SEC22B: variants seen among roughly 807,000 people sequenced by gnomAD.
The protein encoded by SEC22B is vesicle-trafficking protein SEC22b.
A neutral mutation model predicts 31.4 loss-of-function variants in SEC22B; 10 were observed. The observed-to-expected ratio is 0.32, with a 90% confidence interval of 0.20 to 0.54. The LOEUF is 0.54. Among genes scored for constraint, SEC22B ranks in the 20% least tolerant of loss-of-function variants. SEC22B has a pLI of 0.94. For missense variants in SEC22B, 130 were observed against 263.4 expected, an observed-to-expected ratio of 0.49 and a Z score of 3.50; for synonymous variants, 60 against 95.9, an observed-to-expected ratio of 0.63 and a Z score of 2.19.
chr1:120,160,617 C>T (rs1361791049), intron 3 of SEC22B, 87 bp from the exon 4 acceptor site: 280 of 1,185,726 alleles, frequency 2.4e-4, no homozygotes, highest in Non-Finnish European at 3.0e-4. Flanking sequence ...TGGCCAGGCG[C>T]GGTGGCTCAC....
chr1:120,156,206 T>G lies in SEC22B; in HGVS notation c.*832A>C, dbSNP rs1657624693. On this transcript the variant is annotated 3_prime_UTR_variant, in exon 5 of 5. Transcript: ENST00000578049. ...GAAAGCTGTAATTATAACCTGGGCC[T>G]GCCTTTGTTCTCATGAAGCCAGGGG... 1 of 152,032 alleles carries G rather than the reference T, an allele frequency of 6.6e-6. No individual in the cohort carries two copies. Among genetic ancestry groups the G allele is most frequent in the African/African-American group, 2.4e-5 (1 of 41,424 alleles). The allele number at this position is 152,032 out of a possible 1,614,324, so 9.4% of individuals were successfully genotyped here.
chr1:120,173,112 T>G (rs1318057220), intron 1 of SEC22B, among the ~76,000 whole-genome samples: 24,492 of 123,178 alleles, frequency 0.2, 4,248 homozygotes, highest in African/African-American at 0.5. Context: ...CCAACCACTT[T>G]CCTCTAAAAG....
Position 120,163,225 on chromosome 1 carries a change from A to T in SEC22B, c.331T>A (p.Ser111Thr). The T allele has an allele frequency of 6.5e-7, 1 of 1,543,784 alleles. No individual in the cohort carries two copies. Among genetic ancestry groups the T allele is most frequent in the Non-Finnish European group, 8.8e-7 (1 of 1,138,402 alleles). Residue 111 changes from serine to threonine, a missense_variant, in exon 3 of 5, where the codon TCC (serine) becomes ACC (threonine). By Grantham distance (58) the Ser-to-Thr change is moderately conservative. Around this residue, in one of 4 missense-constraint regions of SEC22B, gnomAD observed 41 missense variants for 124.9 expected, o/e 0.33. Coordinates refer to ENST00000578049, the MANE Select transcript of SEC22B (RefSeq NM_004892.6). ...AAAAACTTACCAAATTCAATAAAGG[A>T]ATAGGGTCGGGACACAGTGGGCACC... ...KKVPTVSRPY[S>T]FIEFDTFIQK...
In SEC22B at chr1:120,156,019, A is replaced by G. The variant is rs1168919776; in HGVS notation, c.*1019T>C. 1.3e-5 allele frequency: 2 copies of G among 152,110 alleles called. No individual in the cohort carries two copies. Among genetic ancestry groups the G allele is most frequent in the Admixed American group, 6.6e-5 (1 of 15,262 alleles). 9.4% of individuals were successfully genotyped at this position (152,110 alleles called of 1,614,324 possible). On this transcript the variant is annotated 3_prime_UTR_variant, in exon 5 of 5. Transcript: ENST00000578049. Reference sequence around the variant, plus strand: ...ACTTTAACTTTAATTAACTACATAGATGAATATTTTTTATTTTGAAATTTG... The same window carrying G: ...ACTTTAACTTTAATTAACTACATAGGTGAATATTTTTTATTTTGAAATTTG...
rs1657534647 is a variant in SEC22B, at chr1:120,151,437, C to CT, written c.*5600dup. The CT allele has an allele frequency of 6.6e-6, 1 of 152,200 alleles. No individual in the cohort carries two copies. Among genetic ancestry groups the CT allele is most frequent in the Non-Finnish European group, 1.5e-5 (1 of 68,084 alleles). 9.4% of individuals were successfully genotyped at this position (152,200 alleles called of 1,614,324 possible). A position where few individuals can be genotyped will look rare whatever the true frequency, so the allele number is the denominator to read the frequency against. Reference sequence around the variant, plus strand: ...GTGGCCCATGCCTGTAATCCCAGCACTTTGGGAGGCCGAGGAGGGTGGATC... The same window carrying CT: ...GTGGCCCATGCCTGTAATCCCAGCACTTTTGGGAGGCCGAGGAGGGTGGATC... On this transcript the variant is annotated 3_prime_UTR_variant, in exon 5 of 5. Coordinates refer to ENST00000578049, the MANE Select transcript of SEC22B (RefSeq NM_004892.6).
At chr1:120,176,244 G>T in intron 1 of SEC22B, 63 bp downstream of exon 1, 1 of 1,511,330 alleles carries the variant, frequency 6.6e-7, no homozygotes, top group Non-Finnish European at 9.0e-7. Flanking sequence ...GAAGGAATCC[G>T]ATGCTGAGGG....
At position 120,159,622 on chromosome 1, in the gene SEC22B, T is replaced by C. The variant is rs1479315658; in HGVS notation, c.493+762A>G. 2.1e-3 allele frequency among the ~76,000 whole-genome samples: 313 copies of C among 151,446 alleles called. 2 individuals carry two copies. The highest frequency in any genetic ancestry group is 7.3e-3 in the African/African-American group (302 of 41,362). ...ATTAGGTAAACACACATACATGTAA[T>C]ATGTGCTAAAACCATTATGTTATTA... On this transcript the variant is annotated intron_variant, in intron 4 of 4. Transcript: ENST00000578049.
intron 1 of SEC22B, among the ~76,000 whole-genome samples, chr1:120,170,987 C>A (rs1395695177): frequency 7.8e-6 from 1 of 127,874 alleles, no homozygotes; most frequent in Non-Finnish European, 1.5e-5. Context: ...ATTTAAAATT[C>A]TTTAATAAAA....
Position 120,152,999 on chromosome 1 carries a change from T to C in SEC22B, c.*4039A>G, listed in dbSNP as rs1553228922. On this transcript the variant is annotated 3_prime_UTR_variant, in exon 5 of 5. Transcript: ENST00000578049. Reference sequence around the variant, plus strand: ...ATGAAGGAAATGAGAGAAAAAAGTATAGATTACTATATGGAAGTCAAATTT... The same window carrying C: ...ATGAAGGAAATGAGAGAAAAAAGTACAGATTACTATATGGAAGTCAAATTT... The C allele has an allele frequency of 6.7e-6, 1 of 149,484 alleles. No individual in the cohort carries two copies. Among genetic ancestry groups the C allele is most frequent in the Non-Finnish European group, 1.5e-5 (1 of 67,890 alleles). The allele number at this position is 149,484 out of a possible 1,614,324, so 9.3% of individuals were successfully genotyped here.
rs1160937559 is a variant in SEC22B at position 120,160,980 on chromosome 1, C to A, written c.347-450G>T. Among the ~76,000 whole-genome samples, 75 of 151,858 alleles carry A rather than the reference C, an allele frequency of 4.9e-4. 1 individual carries two copies. Among genetic ancestry groups the A allele is most frequent in the Admixed American group, 1.7e-3 (26 of 15,274 alleles). ...GTTAACCAAACTCTTGGTTGAATAT[C>A]AAAATCTAGGCTTTGATTATTTCAT... is the stretch of plus-strand genomic sequence containing the variant. On this transcript the variant is annotated intron_variant, in intron 3 of 4. Transcript: ENST00000578049.
intron 2 of SEC22B, among the ~76,000 whole-genome samples, chr1:120,168,491 G>C (rs1178377539): frequency 6.6e-6 from 1 of 152,008 alleles, no homozygotes; most frequent in Non-Finnish European, 1.5e-5. Context: ...AGAGGAAACT[G>C]AGGCTTAGAG....
In SEC22B at chr1:120,156,557, A is replaced by C. The variant is rs1459076032; in HGVS notation, c.*481T>G. 1 of 144,268 alleles carries C rather than the reference A, an allele frequency of 6.9e-6. No homozygotes were observed. The highest frequency in any genetic ancestry group is 2.6e-5 in the African/African-American group (1 of 38,700). 8.9% of individuals were successfully genotyped at this position (144,268 alleles called of 1,614,324 possible). ...TAAAAGGCCATCAAAAACTCAGATT[A>C]CTGAAAATCACAAATGTCACCAACA... On this transcript the variant is annotated 3_prime_UTR_variant, in exon 5 of 5. Transcript: ENST00000578049.
In SEC22B at chr1:120,157,083, T is replaced by A. The variant is rs1657639338; in HGVS notation, c.603A>T (p.Val201=). The change falls in exon 5 of 5, where the codon GTA becomes GTT. Residue 201 remains valine, a synonymous_variant. Transcript: ENST00000578049. ...CATACACTATTAACATGATGAAAAATACAGCTACTGCTGCAAGTTTGGCAT... is the reference window on the plus strand; with the variant it reads ...CATACACTATTAACATGATGAAAAAAACAGCTACTGCTGCAAGTTTGGCAT... ...STYAKLAAVA[V]FFIMLIVYVR... 1 of 1,582,706 alleles carries A rather than the reference T, an allele frequency of 6.3e-7. No individual in the cohort carries two copies. The highest frequency in any genetic ancestry group is 8.6e-7 in the Non-Finnish European group (1 of 1,159,738).
chr1:120,171,211 G>A (rs1357426232), intron 1 of SEC22B, among the ~76,000 whole-genome samples: 3 of 129,350 alleles, frequency 2.3e-5, no homozygotes, highest in Admixed American at 1.4e-4. Flanking sequence ...GCAACCACAG[G>A]TGTTAAATAT....
rs1657568136 is a variant in SEC22B at position 120,152,914 on chromosome 1, A to T, written c.*4124T>A. The stretch of plus-strand genomic sequence containing the variant: ...GCTATGTGACCTTGGGCAAGCAAAG[A>T]AACTCCTCATAACCATTGTAATAAT... On this transcript the variant is annotated 3_prime_UTR_variant, in exon 5 of 5. Coordinates refer to ENST00000578049, the MANE Select transcript of SEC22B (RefSeq NM_004892.6). The T allele has an allele frequency of 6.7e-6, 1 of 149,366 alleles. No individual in the cohort carries two copies. Among genetic ancestry groups the T allele is most frequent in the African/African-American group, 2.6e-5 (1 of 39,182 alleles). The allele number at this position is 149,366 out of a possible 1,614,324, so 9.3% of individuals were successfully genotyped here.
Position 120,156,093 on chromosome 1 carries a change from G to GA in SEC22B, c.*944dup, listed in dbSNP as rs1657623544. 1 of 152,130 alleles carries GA rather than the reference G, an allele frequency of 6.6e-6. No homozygotes were observed. Among genetic ancestry groups the GA allele is most frequent in the Non-Finnish European group, 1.5e-5 (1 of 68,004 alleles). The allele number at this position is 152,130 out of a possible 1,614,324, so 9.4% of individuals were successfully genotyped here. On this transcript the variant is annotated 3_prime_UTR_variant, in exon 5 of 5. Coordinates refer to ENST00000578049, the MANE Select transcript of SEC22B (RefSeq NM_004892.6). Reference sequence around the variant, plus strand: ...CAGGATATGAAACTACTGGGTGCAGGAAAATTTTTTAAATGTTAGCAAATT... The same window carrying GA: ...CAGGATATGAAACTACTGGGTGCAGGAAAAATTTTTTAAATGTTAGCAAATT...
intron 1 of SEC22B, among the ~76,000 whole-genome samples, chr1:120,170,820 A>T (rs1657884072): frequency 6.7e-6 from 1 of 148,372 alleles, no homozygotes; most frequent in South Asian, 2.1e-4. Flanking sequence ...GCCAATAAGA[A>T]CTAGTGCACA....
chr1:120,163,507 C>T (rs1230842867), intron 2 of SEC22B, 137 bp from the exon 3 acceptor site: 1 of 387,982 alleles, frequency 2.6e-6, no homozygotes, highest in African/African-American at 3.3e-5. Flanking sequence ...AAACGAGAGT[C>T]AATTTAAAAC....
chr1:120,167,906 G>A (rs1232793373), intron 2 of SEC22B, among the ~76,000 whole-genome samples: 1 of 151,770 alleles, frequency 6.6e-6, no homozygotes, highest in Non-Finnish European at 1.5e-5. Context: ...TTTTGGTGTT[G>A]AAAATTAGAG....
Sources: allele counts gnomAD v4.1 joint callset (sites outside exome capture counted in the v4.1 genomes callset), GRCh38; gene constraint gnomAD v4.1.1; regional missense constraint gnomAD v4.1.1; transcripts MANE v1.5; gene names NCBI Gene and HGNC (gene_info 2026-07-23, HGNC 2026-07-21).